The following MTUS2 variants were observed in gnomAD, a reference collection of about 807,000 sequenced individuals.
MTUS2 encodes microtubule-associated tumor suppressor candidate 2.
Under a neutral mutation model 114.1 loss-of-function variants are expected in MTUS2, and 40 were observed. The observed-to-expected ratio is 0.35, with a 90% CI of 0.27 to 0.46. The LOEUF (loss-of-function observed/expected upper bound fraction) is 0.46, where lower values mean the gene tolerates loss of function less well. MTUS2 is among the 20% of genes least tolerant of loss of function. MTUS2 has a pLI of 1.00. For synonymous variants in MTUS2, 688 were observed against 672.0 expected (o/e 1.02, Z -0.37); for missense variants, 1,679 against 1,705.4 (o/e 0.98, Z 0.27).
At chr13:28,896,189 G>T (rs982897971) in intron 2 of MTUS2, among the ~76,000 whole-genome samples, 1 of 152,194 alleles carries the variant, frequency 6.6e-6, no homozygotes, top group East Asian at 1.9e-4. Flanking sequence ...GATTCCAACA[G>T]CAGTGATGAA....
intron 9 of MTUS2, among the ~76,000 whole-genome samples, chr13:29,466,759 C>G (rs1316912678): frequency 6.6e-6 from 1 of 151,578 alleles, no homozygotes; most frequent in Non-Finnish European, 1.5e-5. Context: ...TGTCTATAGT[C>G]CCAGCTACTA....
intron 2 of MTUS2, among the ~76,000 whole-genome samples, chr13:29,007,197 T>C (rs1397470700): frequency 2.0e-5 from 3 of 152,236 alleles, no homozygotes; most frequent in African/African-American, 4.8e-5. Context: ...CACTTTGCTA[T>C]AGTTTCCTTT....
At chr13:28,900,528 TGTAAC>T (rs1262170745) in intron 2 of MTUS2, among the ~76,000 whole-genome samples, 1 of 152,210 alleles carries the variant, frequency 6.6e-6, no homozygotes. Context: ...ACAAAATAAA[TGTAAC>T]AATACAGTGT....
chr13:28,879,189 T>C (rs1014452357), intron 2 of MTUS2, among the ~76,000 whole-genome samples: 1 of 152,230 alleles, frequency 6.6e-6, no homozygotes, highest in East Asian at 1.9e-4. Context: ...TAAATTTGTT[T>C]AAGTTCCTTG....
At chr13:28,899,516 T>A (rs1879504112) in intron 2 of MTUS2, among the ~76,000 whole-genome samples, 3 of 152,140 alleles carry the variant, frequency 2.0e-5, no homozygotes, top group Admixed American at 2.0e-4. Context: ...TTCACGCCAT[T>A]CTCCTGCCTC....
chr13:29,455,798 T>C (rs1879064629), intron 9 of MTUS2, among the ~76,000 whole-genome samples: 1 of 152,056 alleles, frequency 6.6e-6, no homozygotes, highest in South Asian at 2.1e-4. Context: ...CTTGGCAACA[T>C]GGCAAAACCC....
chr13:29,466,542 T>G (rs1879896297), intron 9 of MTUS2, among the ~76,000 whole-genome samples: 1 of 152,192 alleles, frequency 6.6e-6, no homozygotes, highest in South Asian at 2.1e-4. Flanking sequence ...AATCCATTCC[T>G]GTGCAAAATT....
At position 29,501,105 on chromosome 13, in the gene MTUS2, G is replaced by T. The variant is rs1593524609; in HGVS notation, c.3807G>T (p.Lys1269Asn). Residue 1269 changes from lysine (K) to asparagine (N), a missense_variant, in exon 15 of 16, where the codon AAG becomes AAT. Lys to Asn is a moderately conservative substitution (Grantham distance 94, BLOSUM62 0). Around this residue, in one of 3 missense-constraint regions of MTUS2, gnomAD observed 822 missense variants for 899.7 expected, o/e 0.91. Coordinates refer to ENST00000612955, the MANE Select transcript of MTUS2 (RefSeq NM_001033602.4). Reference sequence around the variant, plus strand: ...CACTGTTTCCTTTGTAGGCAGAAAAGAACATTATCCTAGAAGAAAAGATCC... The same window carrying T: ...CACTGTTTCCTTTGTAGGCAGAAAATAACATTATCCTAGAAGAAAAGATCC... The part of the protein sequence containing the change: ...KILELEKLAE[K>N]NIILEEKIQV... 1.2e-6 allele frequency: 2 copies of T among 1,613,980 alleles called. No individual in the cohort carries two copies. The highest frequency in any genetic ancestry group is 2.2e-5 in the East Asian group (1 of 44,874).
intron 11 of MTUS2, among the ~76,000 whole-genome samples, chr13:29,492,112 T>G (rs1343984304): frequency 1.4e-5 from 2 of 138,444 alleles, no homozygotes; most frequent in Non-Finnish European, 3.0e-5. Context: ...TGTATGTGTG[T>G]GGTGTGTGTG....
rs573355687 is a variant in MTUS2, at chr13:28,984,587, C to T, written c.-242-39870C>T. ...CTACGATAGAGTTGTTTGGAAGCCC[C>T]GTTCTGGCACTGACATCTGATGGAG... On this transcript the variant is annotated intron_variant, in intron 2 of 15. Transcript: ENST00000612955. Among the ~76,000 whole-genome samples, 114 of 152,268 alleles carry T rather than the reference C, an allele frequency of 7.5e-4. 2 individuals carry two copies. The highest frequency in any genetic ancestry group is 2.7e-3 in the African/African-American group (111 of 41,548).
intron 8 of MTUS2, among the ~76,000 whole-genome samples, chr13:29,360,844 G>A (rs1593348653): frequency 6.6e-6 from 1 of 152,140 alleles, no homozygotes; most frequent in Admixed American, 6.5e-5. Context: ...GAGGAAAACA[G>A]GGCTGTTCCT....
chr13:28,902,449 T>C (rs1879700642), intron 2 of MTUS2, among the ~76,000 whole-genome samples: 1 of 152,134 alleles, frequency 6.6e-6, no homozygotes, highest in Admixed American at 6.6e-5. Context: ...TTAAATATAA[T>C]GTCCCCTGTA....
chr13:29,118,078 T>TACAA (rs1329704454), intron 5 of MTUS2, among the ~76,000 whole-genome samples: 2 of 152,066 alleles, frequency 1.3e-5, no homozygotes, highest in Admixed American at 1.3e-4. Context: ...TTATTACAAT[T>TACAA]AAGGAAAAGA....
intron 2 of MTUS2, among the ~76,000 whole-genome samples, chr13:28,968,566 A>G (rs1367954104): frequency 6.6e-6 from 1 of 152,188 alleles, no homozygotes; most frequent in Admixed American, 6.5e-5. Flanking sequence ...ACAGGTTAGA[A>G]CTTGGACTGG....
rs570783616 is a variant in MTUS2 at position 29,033,860 on chromosome 13, T to C, written c.2206-25T>C. The C allele has an allele frequency of 1.2e-5, 19 of 1,613,082 alleles. No individual in the cohort carries two copies. In the Middle Eastern group the frequency reaches 5.0e-4, roughly 42 times the overall value. ...CACACTATGATGTGAAGGTCTCTGATTGAGTTTTTGTTCATTTATCATAGG... is the reference window on the plus strand; with the variant it reads ...CACACTATGATGTGAAGGTCTCTGACTGAGTTTTTGTTCATTTATCATAGG... On this transcript the variant is annotated intron_variant, in intron 3 of 15. Coordinates refer to ENST00000612955, the MANE Select transcript of MTUS2 (RefSeq NM_001033602.4).
At chr13:29,047,064 C>G (rs946145169) in intron 4 of MTUS2, among the ~76,000 whole-genome samples, 1 of 152,224 alleles carries the variant, frequency 6.6e-6, no homozygotes, top group Admixed American at 6.5e-5. Context: ...AGGCACCCCT[C>G]TGCGCAGAAG....
At chr13:29,191,502 C>T (rs1413340544) in intron 5 of MTUS2, among the ~76,000 whole-genome samples, 1 of 152,102 alleles carries the variant, frequency 6.6e-6, no homozygotes, top group Admixed American at 6.6e-5. Flanking sequence ...CTTGTGTGCC[C>T]TGTGTTCTTG....
intron 2 of MTUS2, among the ~76,000 whole-genome samples, chr13:28,883,165 A>G (rs1050519761): frequency 3.9e-5 from 6 of 152,360 alleles, no homozygotes; most frequent in African/African-American, 1.4e-4. Flanking sequence ...TACTGCTGAG[A>G]AATCAGAAAT....
intron 4 of MTUS2, among the ~76,000 whole-genome samples, chr13:29,050,330 G>A (rs1887833595): frequency 6.6e-6 from 1 of 152,036 alleles, no homozygotes; most frequent in African/African-American, 2.4e-5. Context: ...GGGCCTGCAT[G>A]GACTCATCTC....
Sources: gnomAD v4.1 joint callset for allele counts (sites outside exome capture counted in the v4.1 genomes callset) on GRCh38, gnomAD v4.1.1 for gene constraint, gnomAD v4.1.1 regional missense constraint, MANE v1.5 for transcripts, NCBI Gene and HGNC (gene_info 2026-07-23, HGNC 2026-07-21) for gene names.